KDM5C: variants seen among roughly 807,000 people sequenced by gnomAD.
KDM5C encodes lysine-specific demethylase 5C.
In KDM5C, 16 loss-of-function variants were observed where a neutral mutation model predicts 110.6. The ratio of observed to expected loss-of-function variants is 0.14; its 90% confidence interval spans 0.10 to 0.22. KDM5C has a LOEUF of 0.22. Ranked by LOEUF, KDM5C falls within the 10% of genes least tolerant of loss-of-function variation. The pLI is 1.00. For missense variants in KDM5C, 681 were observed against 1,300.9 expected (o/e 0.52, Z 7.33); for synonymous variants, 511 against 520.4 (o/e 0.98, Z 0.24).
downstream of KDM5C, among the ~76,000 whole-genome samples, chrX:53,190,688 G>A (rs1934380275): frequency 9.0e-6 from 1 of 111,614 alleles, no homozygotes; most frequent in Non-Finnish European, 1.9e-5. Context: ...CTCCTTACTT[G>A]TATAGCCTAG....
Position 53,214,718 on chromosome X carries a change from C to T in KDM5C, c.1093G>A (p.Val365Ile), listed in dbSNP as rs2146934237. ...ATGACACACTTTGGGCACCGCCAGA[C>T]ACCCTTGGGGATCTCAGGCAGAGGA... ...LPPLPEIPKG[V>I]WRCPKCVMAE... The change falls in exon 8 of 26, where the codon GTC becomes ATC. Residue 365 changes from valine (V) to isoleucine (I), a missense_variant. Val to Ile is a conservative substitution (Grantham distance 29, BLOSUM62 3). Around this residue, in one of 14 missense-constraint regions of KDM5C, gnomAD observed 71 missense variants for 115.0 expected, o/e 0.62. Transcript: ENST00000375401. The T allele has an allele frequency of 8.3e-7, 1 of 1,210,946 alleles. No individual in the cohort carries two copies. The highest frequency in any genetic ancestry group is 1.1e-6 in the Non-Finnish European group (1 of 895,007).
chrX:53,180,937 C>A (rs1290076010), intron 25 of KDM5C, among the ~76,000 whole-genome samples: 1 of 106,003 alleles, frequency 9.4e-6, no homozygotes, highest in Non-Finnish European at 1.9e-5. Flanking sequence ...ACCGTGTTAG[C>A]CAGGATGGTC....
intron 8 of KDM5C, 83 bp from the exon 9 acceptor site, chrX:53,211,989 T>C (rs781889053): frequency 8.9e-7 from 1 of 1,127,113 alleles, no homozygotes; most frequent in Non-Finnish European, 1.2e-6. Flanking sequence ...ATATAAGGGG[T>C]AGGGAGGGAG....
rs2146813255 is a variant in KDM5C, at chrX:53,193,272, G to A, written c.4378C>T (p.Arg1460Trp). ...ARGRALERRR[R>W]RKVDRGGEGD... ...TCCCCACCCCGATCCACCTTCCGCC[G>A]CCGCCGCCTCTCCAGGGCCCGGCCC... The change falls in exon 26 of 26, where the codon CGG becomes TGG. Residue 1460 changes from arginine (R) to tryptophan (W), a missense_variant. Arg to Trp is a moderately radical substitution (Grantham distance 101). This residue lies in a region of KDM5C where 115 missense variants were observed against 120.9 expected (regional missense o/e 0.95). Coordinates refer to ENST00000375401, the MANE Select transcript of KDM5C (RefSeq NM_004187.5). 1 of 1,208,611 alleles carries A rather than the reference G, an allele frequency of 8.3e-7. No homozygotes were observed. The highest frequency in any genetic ancestry group is 1.8e-5 in the South Asian group (1 of 56,875).
rs372057894 is a variant in KDM5C, at chrX:53,192,881, C to A, written c.*86G>T. The A allele has an allele frequency of 1.9e-6, 2 of 1,054,421 alleles. No individual in the cohort carries two copies. The highest frequency in any genetic ancestry group is 3.4e-5 in the Admixed American group (1 of 29,361). 86.9% of individuals were successfully genotyped at this position (1,054,421 alleles called of 1,213,427 possible). A position where few individuals can be genotyped will look rare whatever the true frequency, so the allele number is the denominator to read the frequency against. On this transcript the variant is annotated 3_prime_UTR_variant, in exon 26 of 26. Coordinates refer to ENST00000375401, the MANE Select transcript of KDM5C (RefSeq NM_004187.5). ...TGGCCACCCCCCTACCCGCCCACCC[C>A]CCAAGAAGCAGGCTTGATGGTCAGA... is the stretch of plus-strand genomic sequence containing the variant.
chrX:53,193,692 CACT>C (rs1347447886), intron 24 of KDM5C, 56 bp from the exon 25 acceptor site: 130 of 1,183,715 alleles, frequency 1.1e-4, no homozygotes, highest in Middle Eastern at 4.7e-4. Context: ...TTATCCCCAC[CACT>C]ACAACAGAGC....
At position 53,218,161 on chromosome X, in the gene KDM5C, G is replaced by C. The variant is rs2274306; in HGVS notation, c.351+115C>G. ...CTGATGACAGCTTGTGTGCTACCAA[G>C]CTGTGCCCCTTCCATTGCAGCCTAA... On this transcript the variant is annotated intron_variant, in intron 3 of 25. Coordinates refer to ENST00000375401, the MANE Select transcript of KDM5C (RefSeq NM_004187.5). The C allele has an allele frequency of 2.0e-4, 193 of 955,563 alleles. 1 individual carries two copies. In the East Asian group the frequency reaches 5.8e-3, roughly 29 times the overall value. The allele number at this position is 955,563 out of a possible 1,213,427, so 78.7% of individuals were successfully genotyped here.
intron 20 of KDM5C, 146 bp downstream of exon 20, chrX:53,195,770 C>T: frequency 1.7e-6 from 1 of 593,179 alleles, no homozygotes; most frequent in East Asian, 3.6e-5. Context: ...GCTCATCAGG[C>T]ACATCTTGCC....
In KDM5C at chrX:53,193,111, G is replaced by T. The variant is rs1556832283; in HGVS notation, c.4539C>A (p.Thr1513=). The T allele has an allele frequency of 8.3e-7, 1 of 1,210,151 alleles. No individual in the cohort carries two copies. Among genetic ancestry groups the T allele is most frequent in the Non-Finnish European group, 1.1e-6 (1 of 894,829 alleles). Residue 1513 remains threonine, a synonymous_variant, in exon 26 of 26, where the codon ACC becomes ACA. Coordinates refer to ENST00000375401, the MANE Select transcript of KDM5C (RefSeq NM_004187.5). ...TCTCCTGGGTGCTGGGGCTGCCAGT[G>T]GTGGGGATGGGTGCAGGGGGGCCCT... ...GGEGPPAPIP[T]TGSPSTQENQ... is the part of the protein sequence containing the mutation.
intron 14 of KDM5C, 95 bp downstream of exon 14, chrX:53,201,455 T>C (rs2073136761): frequency 2.4e-6 from 2 of 843,416 alleles, no homozygotes; most frequent in African/African-American, 2.0e-5. Context: ...CTTTTCACTA[T>C]ACGCCAAGAG....
chrX:53,223,732 A>G (rs2073955818), intron 1 of KDM5C, among the ~76,000 whole-genome samples: 1 of 111,650 alleles, frequency 9.0e-6, no homozygotes, highest in Non-Finnish European at 1.9e-5. Context: ...GACCCCTGGC[A>G]ATCATGTTCC....
At chrX:53,208,463 A>G (rs1438455706) in intron 12 of KDM5C, among the ~76,000 whole-genome samples, 1 of 96,491 alleles carries the variant, frequency 1.0e-5, no homozygotes, top group African/African-American at 3.8e-5. Context: ...ATATATATAT[A>G]TATGCCTCTT....
At position 53,210,585 on chromosome X, in the gene KDM5C, G is replaced by A. The variant is rs782573535; in HGVS notation, c.1584-9C>T. 8.3e-7 allele frequency: 1 copy of A among 1,211,928 alleles called. No individual in the cohort carries two copies. The highest frequency in any genetic ancestry group is 3.0e-5 in the East Asian group (1 of 33,860). On this transcript the variant is annotated splice_polypyrimidine_tract_variant and intron_variant, in intron 11 of 25. Coordinates refer to ENST00000375401, the MANE Select transcript of KDM5C (RefSeq NM_004187.5). ...AGGTCTTCGGCTCACCCCTGCACAAGTGGAAAAGGGACACACACAGTAAAT... is the reference window on the plus strand; with the variant it reads ...AGGTCTTCGGCTCACCCCTGCACAAATGGAAAAGGGACACACACAGTAAAT...
chrX:53,216,050 C>T, intron 6 of KDM5C, 24 bp downstream of exon 6: 1 of 1,212,237 alleles, frequency 8.2e-7, no homozygotes, highest in Non-Finnish European at 1.1e-6. Flanking sequence ...CCAGGTGAGG[C>T]CACCCCAGCC....
In KDM5C at chrX:53,195,020, G is replaced by C. The variant is rs2146826350; in HGVS notation, c.3349C>G (p.Arg1117Gly). 8.3e-7 allele frequency: 1 copy of C among 1,208,916 alleles called. No homozygotes were observed. The highest frequency in any genetic ancestry group is 1.7e-5 in the African/African-American group (1 of 57,698). ...AACCCCAGCTCCTTCTCCATCCACC[G>C]GCTGCGCTTGGTGCTGTCTGAGCCG... is the stretch of plus-strand genomic sequence containing the variant. ...DAGSDSTKRS[R>G]WMEKELGLYK... Residue 1117 changes from arginine (R) to glycine (G), a missense_variant, in exon 22 of 26, where the codon CGG (arginine) becomes GGG (glycine). Arg to Gly is a moderately radical substitution (Grantham distance 125). Around this residue, in one of 14 missense-constraint regions of KDM5C, gnomAD observed 66 missense variants for 162.9 expected, o/e 0.41. Transcript: ENST00000375401.
At chrX:53,216,272 G>A (rs782015791) in intron 5 of KDM5C, 75 bp from the exon 6 acceptor site, 7 of 1,152,823 alleles carry the variant, frequency 6.1e-6, no homozygotes, top group East Asian at 6.0e-5. Flanking sequence ...ACAGTAACTC[G>A]GACTACATAT....
Position 53,195,023 on chromosome X carries a change from T to C in KDM5C, c.3346A>G (p.Ser1116Gly). The C allele has an allele frequency of 8.3e-7, 1 of 1,209,112 alleles. No individual in the cohort carries two copies. The highest frequency in any genetic ancestry group is 1.1e-6 in the Non-Finnish European group (1 of 894,039). Residue 1116 changes from serine to glycine, a missense_variant, in exon 22 of 26, where the codon AGC (serine) becomes GGC (glycine). Coordinates refer to ENST00000375401, the MANE Select transcript of KDM5C (RefSeq NM_004187.5). ...CCCAGCTCCTTCTCCATCCACCGGC[T>C]GCGCTTGGTGCTGTCTGAGCCGGCA... is the stretch of plus-strand genomic sequence containing the variant. ...ADAGSDSTKR[S>G]RWMEKELGLY...
downstream of KDM5C, among the ~76,000 whole-genome samples, chrX:53,190,680 C>G (rs1399200739): frequency 1.8e-5 from 2 of 111,737 alleles, no homozygotes; most frequent in Non-Finnish European, 3.8e-5. Context: ...CTCTCTCTCT[C>G]CTTACTTGTA....
Position 53,211,509 on chromosome X carries a change from G to A in KDM5C, c.1389C>T (p.Thr463=). The A allele has an allele frequency of 2.5e-6, 3 of 1,211,506 alleles. No individual in the cohort carries two copies. The highest frequency in any genetic ancestry group is 3.5e-5 in the African/African-American group (2 of 57,850). The part of the protein sequence containing the change: ...FPVSDSKRHL[T]PEEEEYATSG... The stretch of plus-strand genomic sequence containing the variant: ...ATCATCCACTCACCTCCTCTTCGGG[G>A]GTTAGGTGCCGTTTACTGTCACTGA... The change falls in exon 10 of 26, where the codon ACC becomes ACT. Residue 463 remains threonine, a synonymous_variant. Transcript: ENST00000375401.
Sources: allele counts gnomAD v4.1 joint callset (sites outside exome capture counted in the v4.1 genomes callset), GRCh38; gene constraint gnomAD v4.1.1; regional missense constraint gnomAD v4.1.1; transcripts MANE v1.5; gene names NCBI Gene and HGNC (gene_info 2026-07-23, HGNC 2026-07-21).